LRTM1: variants seen among roughly 807,000 people sequenced by gnomAD.
LRTM1 encodes leucine-rich repeat and transmembrane domain-containing protein 1.
A neutral mutation model predicts 32.4 loss-of-function variants in LRTM1; 38 were observed. The ratio of observed to expected loss-of-function variants is 1.17; its 90% CI spans 0.91 to 1.54. The LOEUF is 1.54. Ranked by LOEUF, LRTM1 falls within the 40% of genes most tolerant of loss-of-function variation. The pLI, the probability that LRTM1 is intolerant of heterozygous loss-of-function variation, is 0.00. For missense variants in LRTM1, 466 were observed against 415.4 expected, an observed-to-expected ratio of 1.12 and a Z score of -1.06; for synonymous variants, 186 against 169.9, an observed-to-expected ratio of 1.09 and a Z score of -0.74.
chr3:54,937,033 G>A (rs1175173138), intron 1 of LRTM1, among the ~76,000 whole-genome samples: 1 of 152,096 alleles, frequency 6.6e-6, no homozygotes, highest in Non-Finnish European at 1.5e-5. Context: ...TGCTAAGGTG[G>A]TTAGATTTGC....
chr3:54,918,436 A>C lies in LRTM1; in HGVS notation c.*23T>G. The stretch of plus-strand genomic sequence containing the variant: ...CACTATCTTCTGGCCTGCAATGACC[A>C]ATCCTATTTGAGACAAAAGCTCTCA... On this transcript the variant is annotated 3_prime_UTR_variant, in exon 3 of 3. Coordinates refer to ENST00000273286, the MANE Select transcript of LRTM1 (RefSeq NM_020678.4). The C allele has an allele frequency of 6.2e-7, 1 of 1,601,214 alleles. No individual in the cohort carries two copies. The highest frequency in any genetic ancestry group is 8.5e-7 in the Non-Finnish European group (1 of 1,174,592).
At chr3:54,946,366 CA>C (rs1198883982) in intron 1 of LRTM1, among the ~76,000 whole-genome samples, 1 of 152,190 alleles carries the variant, frequency 6.6e-6, no homozygotes. Flanking sequence ...TGTATGCCTT[CA>C]GAGATTTTAG....
chr3:54,944,445 G>T (rs1025569326), intron 1 of LRTM1, among the ~76,000 whole-genome samples: 3 of 148,900 alleles, frequency 2.0e-5, no homozygotes, highest in African/African-American at 7.5e-5. Context: ...TTTTGAGACG[G>T]AATCTCGCTC....
At chr3:54,949,667 A>T (rs12636204) in intron 1 of LRTM1, among the ~76,000 whole-genome samples, 20,821 of 152,160 alleles carry the variant, frequency 0.14, 1,611 homozygotes, top group African/African-American at 0.21. Flanking sequence ...GCAAACAGTA[A>T]CCTGAAAAAC....
intron 2 of LRTM1, among the ~76,000 whole-genome samples, chr3:54,919,325 G>A (rs932586640): frequency 2.6e-5 from 4 of 152,198 alleles, no homozygotes; most frequent in Admixed American, 6.5e-5. Flanking sequence ...TAAAATAAAT[G>A]TGCATTGTTG....
chr3:54,959,475 A>C (rs2107041646), intron 1 of LRTM1, among the ~76,000 whole-genome samples: 1 of 152,046 alleles, frequency 6.6e-6, no homozygotes, highest in East Asian at 2.0e-4. Flanking sequence ...ATAAGTCATA[A>C]ACATCCAACT....
intron 1 of LRTM1, among the ~76,000 whole-genome samples, chr3:54,959,646 A>G (rs1436260073): frequency 1.3e-5 from 2 of 152,164 alleles, no homozygotes; most frequent in Non-Finnish European, 2.9e-5. Flanking sequence ...GGAAGCTTAT[A>G]ATTTTTTAAA....
chr3:54,941,525 A>C (rs1456133319), intron 1 of LRTM1, among the ~76,000 whole-genome samples: 1 of 152,186 alleles, frequency 6.6e-6, no homozygotes, highest in Non-Finnish European at 1.5e-5. Context: ...TGCCGGGATT[A>C]TGTGGGTGAG....
At chr3:54,945,909 C>T (rs1356680786) in intron 1 of LRTM1, among the ~76,000 whole-genome samples, 2 of 152,152 alleles carry the variant, frequency 1.3e-5, no homozygotes, top group African/African-American at 4.8e-5. Context: ...TGGCGGGGGC[C>T]ATCCTCGTTG....
At chr3:54,940,047 G>A (rs1319325736) in intron 1 of LRTM1, among the ~76,000 whole-genome samples, 1 of 152,132 alleles carries the variant, frequency 6.6e-6, no homozygotes, top group East Asian at 1.9e-4. Context: ...GATGGAGAAG[G>A]TGGAGCTGAC....
upstream of LRTM1, among the ~76,000 whole-genome samples, chr3:54,930,249 C>T (rs906687086): frequency 6.6e-6 from 1 of 152,170 alleles, no homozygotes; most frequent in Non-Finnish European, 1.5e-5. Context: ...CACCCACCCT[C>T]AACTCCCACC....
At chr3:54,919,035 C>T in intron 2 of LRTM1, 143 bp from the exon 3 acceptor site, 1 of 663,650 alleles carries the variant, frequency 1.5e-6, no homozygotes. Flanking sequence ...AATTTAACAA[C>T]CATATTTTAT....
rs79973856 is a variant in LRTM1 at position 54,918,743 on chromosome 3, C to A, written c.754G>T (p.Gly252Cys). 6.2e-7 allele frequency: 1 copy of A among 1,614,132 alleles called. No homozygotes were observed. The highest frequency in any genetic ancestry group is 1.3e-5 in the African/African-American group (1 of 75,046). ...TTCTCAGGAGGCCTCAGGACCACAC[C>A]GTGGGCAGAGCCGGGCCACTGAGCC... ...SQAQWPGSAH[G>C]VVLRPPENHN... Residue 252 changes from glycine to cysteine, a missense_variant, in exon 3 of 3, where the codon GGT becomes TGT. Transcript: ENST00000273286.
chr3:54,918,465 T>C lies in LRTM1; in HGVS notation c.1032A>G (p.Pro344=), dbSNP rs764950747. The change falls in exon 3 of 3, where the codon CCA becomes CCG. Residue 344 remains proline (P), a synonymous_variant. Transcript: ENST00000273286. ...VEEKERFDSS[P]A ...CTATTTGAGACAAAAGCTCTCAGGC[T>C]GGTGAGCTGTCAAATCGCTCTTTTT... is the stretch of plus-strand genomic sequence containing the variant. 14 of 1,612,574 alleles carry C rather than the reference T, an allele frequency of 8.7e-6. No individual in the cohort carries two copies. The South Asian group carries it at 1.4e-4, about 16-fold the overall frequency.
At chr3:54,939,306 C>T (rs75597383) in intron 1 of LRTM1, among the ~76,000 whole-genome samples, 2,051 of 152,328 alleles carry the variant, frequency 0.013, 45 homozygotes, top group African/African-American at 0.046. Flanking sequence ...ATGAGACTGA[C>T]TCACTTGCCT....
In LRTM1 at chr3:54,918,571, T is replaced by C. The variant is rs1242964550; in HGVS notation, c.926A>G (p.Tyr309Cys). Reference sequence around the variant, plus strand: ...TGTGATTGCCGCATAGGTGCAGCCATAGATGGCAGCTGCCAACATCATGAG... The same window carrying C: ...TGTGATTGCCGCATAGGTGCAGCCACAGATGGCAGCTGCCAACATCATGAG... Reference protein sequence around the residue: ...VCLMMLAAAIYGCTYAAITAQ... With the variant: ...VCLMMLAAAICGCTYAAITAQ... Residue 309 changes from tyrosine to cysteine, a missense_variant, in exon 3 of 3, where the codon TAT (tyrosine) becomes TGT (cysteine). Physicochemically the swap from Tyr to Cys is radical, Grantham distance 194. Transcript: ENST00000273286. 1.2e-6 allele frequency: 2 copies of C among 1,613,996 alleles called. No homozygotes were observed. The highest frequency in any genetic ancestry group is 2.2e-5 in the South Asian group (2 of 91,082).
intron 1 of LRTM1, among the ~76,000 whole-genome samples, chr3:54,948,229 G>A (rs1701665635): frequency 6.6e-6 from 1 of 152,176 alleles, no homozygotes; most frequent in South Asian, 2.1e-4. Context: ...GACTAGAAAA[G>A]TATGTGTGAT....
At chr3:54,949,113 T>C (rs1170540071) in intron 1 of LRTM1, among the ~76,000 whole-genome samples, 1 of 152,162 alleles carries the variant, frequency 6.6e-6, no homozygotes, top group African/African-American at 2.4e-5. Context: ...ATTGGCAAAC[T>C]CAGTGGAAAG....
chr3:54,949,708 A>G (rs1701707667), intron 1 of LRTM1, among the ~76,000 whole-genome samples: 2 of 152,154 alleles, frequency 1.3e-5, no homozygotes, highest in Admixed American at 1.3e-4. Flanking sequence ...GGCCTCAGAA[A>G]AATTCAGAAC....
Sources: gnomAD v4.1 joint callset for allele counts (sites outside exome capture counted in the v4.1 genomes callset) on GRCh38, gnomAD v4.1.1 for gene constraint, MANE v1.5 for transcripts, NCBI Gene and HGNC (gene_info 2026-07-23, HGNC 2026-07-21) for gene names.